CRPPA: variants seen among roughly 807,000 people sequenced by gnomAD.
CRPPA encodes the protein CDP-L-ribitol pyrophosphorylase A.
CRPPA carries 43 observed loss-of-function variants against 52.0 expected under a neutral mutation model. That is an observed-to-expected ratio of 0.83 (90% CI 0.65 to 1.07). CRPPA has a LOEUF of 1.07. Among genes scored for constraint, CRPPA ranks in the 50% least tolerant of loss-of-function variants. CRPPA has a pLI of 0.00. For synonymous variants in CRPPA, 250 were observed against 203.5 expected (o/e 1.23, Z -1.94); for missense variants, 629 against 551.7 (o/e 1.14, Z -1.40).
intron 2 of CRPPA, among the ~76,000 whole-genome samples, chr7:16,384,854 C>G (rs181891874): frequency 6.8e-4 from 103 of 152,056 alleles, no homozygotes; most frequent in Non-Finnish European, 1.3e-3. Flanking sequence ...TGAGAAGGCC[C>G]CACCCATATA....
chr7:16,342,814 G>GATATATATAT (rs1210471613), intron 3 of CRPPA, among the ~76,000 whole-genome samples: 1 of 69,478 alleles, frequency 1.4e-5, no homozygotes, highest in African/African-American at 5.7e-5. Context: ...TAGATATATA[G>GATATATATAT]ATATACATAT....
intron 3 of CRPPA, among the ~76,000 whole-genome samples, chr7:16,354,421 T>C (rs1271242477): frequency 1.3e-5 from 2 of 152,196 alleles, no homozygotes; most frequent in East Asian, 1.9e-4. Context: ...GTAAGTAGAC[T>C]AGCCTACTTC....
chr7:16,256,901 T>C (rs929016183), intron 8 of CRPPA, among the ~76,000 whole-genome samples: 3 of 152,094 alleles, frequency 2.0e-5, no homozygotes, highest in African/African-American at 7.2e-5. Flanking sequence ...CCCCAGAACT[T>C]AAAGTATAAT....
intron 6 of CRPPA, among the ~76,000 whole-genome samples, chr7:16,264,380 C>CA (rs755752821): frequency 6.6e-6 from 1 of 152,008 alleles, no homozygotes; most frequent in Admixed American, 6.6e-5. Context: ...AGTACGACAA[C>CA]AAAAAATCAA....
chr7:16,309,537 G>A (rs1784990032), intron 3 of CRPPA, among the ~76,000 whole-genome samples: 1 of 152,200 alleles, frequency 6.6e-6, no homozygotes, highest in South Asian at 2.1e-4. Context: ...ATTGAACAAG[G>A]AGGATTATGT....
chr7:16,152,849 T>A (rs1204188561), intron 9 of CRPPA, among the ~76,000 whole-genome samples: 1 of 152,052 alleles, frequency 6.6e-6, no homozygotes, highest in African/African-American at 2.4e-5. Context: ...CAAAATATCT[T>A]AAGAAATGTG....
At chr7:16,208,847 TATA>T (rs1486105966) in intron 9 of CRPPA, 4 of 213,634 alleles carry the variant, frequency 1.9e-5, no homozygotes, top group Non-Finnish European at 2.9e-5. Flanking sequence ...TTATGTTGTA[TATA>T]ATGACATTGG....
At chr7:16,199,149 G>A (rs1008410830) in intron 9 of CRPPA, among the ~76,000 whole-genome samples, 1 of 152,040 alleles carries the variant, frequency 6.6e-6, no homozygotes, top group Admixed American at 6.6e-5. Context: ...GCTAGTTGAG[G>A]GGTCTAACTG....
chr7:16,212,555 G>T (rs564969783), intron 9 of CRPPA, among the ~76,000 whole-genome samples: 1 of 152,084 alleles, frequency 6.6e-6, no homozygotes, highest in Non-Finnish European at 1.5e-5. Flanking sequence ...ATTTCTCCAG[G>T]AAAAGAAAGG....
chr7:16,334,283 G>C (rs1418678728), intron 3 of CRPPA, among the ~76,000 whole-genome samples: 2 of 152,120 alleles, frequency 1.3e-5, no homozygotes, highest in African/African-American at 4.8e-5. Context: ...GGGGGCACTT[G>C]GGCCCACCTA....
chr7:16,377,629 A>G (rs1786929454), intron 2 of CRPPA, among the ~76,000 whole-genome samples: 1 of 152,250 alleles, frequency 6.6e-6, no homozygotes, highest in Non-Finnish European at 1.5e-5. Context: ...CATTTATTCC[A>G]GAAAATCTAC....
intron 9 of CRPPA, among the ~76,000 whole-genome samples, chr7:16,124,570 G>C (rs1207390585): frequency 6.6e-6 from 1 of 152,090 alleles, no homozygotes; most frequent in Non-Finnish European, 1.5e-5. Context: ...GTTACTAGTG[G>C]CTGGGATCTA....
intron 3 of CRPPA, among the ~76,000 whole-genome samples, chr7:16,347,977 G>T (rs1030246132): frequency 6.6e-6 from 1 of 152,142 alleles, no homozygotes; most frequent in Non-Finnish European, 1.5e-5. Context: ...CATCCTCTGA[G>T]AGCAGTGCAG....
intron 2 of CRPPA, among the ~76,000 whole-genome samples, chr7:16,393,762 T>A (rs1243016985): frequency 6.6e-6 from 1 of 152,168 alleles, no homozygotes; most frequent in Non-Finnish European, 1.5e-5. Flanking sequence ...CAACACATTG[T>A]GATTTTTTTA....
intron 3 of CRPPA, 127 bp from the exon 4 acceptor site, chr7:16,308,754 A>T: frequency 1.6e-6 from 1 of 634,446 alleles, no homozygotes; most frequent in Non-Finnish European, 2.8e-6. Context: ...TTAATCAGCT[A>T]CTGACTGAGT....
chr7:16,257,924 C>T (rs1295154), intron 8 of CRPPA, among the ~76,000 whole-genome samples: 120,010 of 152,002 alleles, frequency 0.79, 48,135 homozygotes, highest in African/African-American at 0.94. Context: ...GCCATTCTTC[C>T]AGGAATTCTC....
chr7:16,130,851 C>T (rs1308157724), intron 9 of CRPPA, among the ~76,000 whole-genome samples: 1 of 151,968 alleles, frequency 6.6e-6, no homozygotes, highest in Non-Finnish European at 1.5e-5. Flanking sequence ...GGAGGTAAGG[C>T]CTTTGGGGGG....
chr7:16,314,642 T>C (rs1193707616), intron 3 of CRPPA, among the ~76,000 whole-genome samples: 1 of 152,074 alleles, frequency 6.6e-6, no homozygotes, highest in Non-Finnish European at 1.5e-5. Flanking sequence ...CTAAAGTCCA[T>C]TCCTTCTTTA....
In CRPPA at chr7:16,294,929, C is replaced by T. The variant is rs114890636; in HGVS notation, c.835+6492G>A. ...GGATTCAAAAACAAACAATCTTGCA[C>T]TTCAAATGCCATAATTTTAAGTAAA... On this transcript the variant is annotated intron_variant, in intron 5 of 9. Coordinates refer to ENST00000407010, the MANE Select transcript of CRPPA (RefSeq NM_001101426.4). 3.7e-3 allele frequency among the ~76,000 whole-genome samples: 557 copies of T among 152,130 alleles called. 2 individuals are homozygous for T. The highest frequency in any genetic ancestry group is 0.013 in the African/African-American group (545 of 41,550).
Sources: allele counts gnomAD v4.1 joint callset (sites outside exome capture counted in the v4.1 genomes callset), GRCh38; gene constraint gnomAD v4.1.1; transcripts MANE v1.5; gene names NCBI Gene and HGNC (gene_info 2026-07-23, HGNC 2026-07-21).